NFIA: variants seen among roughly 807,000 people sequenced by gnomAD.
NFIA encodes the protein nuclear factor I A.
Under a neutral mutation model 62.8 loss-of-function variants are expected in NFIA, and 8 were observed. That is an observed-to-expected ratio of 0.13 (90% CI 0.07 to 0.23). NFIA has a LOEUF of 0.23. Among genes scored for constraint, NFIA ranks in the 10% least tolerant of loss-of-function variants. NFIA has a pLI of 1.00. For synonymous variants in NFIA, 235 were observed against 238.1 expected (o/e 0.99, Z 0.12); for missense variants, 410 against 642.1 (o/e 0.64, Z 3.91).
At chr1:61,206,662 T>G (rs1451685529) in intron 2 of NFIA, among the ~76,000 whole-genome samples, 1 of 152,232 alleles carries the variant, frequency 6.6e-6, no homozygotes, top group Non-Finnish European at 1.5e-5. Flanking sequence ...CTATTTTGGA[T>G]GACATGCTGC....
intron 3 of NFIA, among the ~76,000 whole-genome samples, chr1:61,320,163 T>C (rs1222933628): frequency 6.6e-6 from 1 of 152,122 alleles, no homozygotes. Context: ...TACATGACTT[T>C]AAAGTCTTAA....
chr1:61,395,432 A>G (rs886332380), intron 7 of NFIA, among the ~76,000 whole-genome samples: 1 of 151,934 alleles, frequency 6.6e-6, no homozygotes, highest in Non-Finnish European at 1.5e-5. Flanking sequence ...TTCACTTCCA[A>G]CAGGTCATTG....
At chr1:61,271,279 A>T (rs1210725575) in intron 2 of NFIA, among the ~76,000 whole-genome samples, 1 of 152,186 alleles carries the variant, frequency 6.6e-6, no homozygotes, top group African/African-American at 2.4e-5. Context: ...CACATTGATG[A>T]GTAGGTGATA....
Position 61,281,996 on chromosome 1 carries a change from C to A in NFIA, c.625+4411C>A, listed in dbSNP as rs1050337298. 4.0e-5 allele frequency among the ~76,000 whole-genome samples: 6 copies of A among 151,394 alleles called. 1 individual carries two copies. Among genetic ancestry groups the A allele is most frequent in the Non-Finnish European group, 7.4e-5 (5 of 67,816 alleles). On this transcript the variant is annotated intron_variant, in intron 3 of 10. Coordinates refer to ENST00000403491, the MANE Select transcript of NFIA (RefSeq NM_001134673.4). ...AGAGATTTTAAGAAAAACAAACAAACAAAAAAAACAAAAACGCTCTGGAGA... is the reference window on the plus strand; with the variant it reads ...AGAGATTTTAAGAAAAACAAACAAAAAAAAAAAACAAAAACGCTCTGGAGA...
chr1:61,141,407 C>G (rs1263894417), intron 2 of NFIA, among the ~76,000 whole-genome samples: 1 of 99,820 alleles, frequency 1.0e-5, no homozygotes, highest in African/African-American at 3.1e-5. Flanking sequence ...GACTGGTCCC[C>G]TTTACTCAGG....
chr1:61,127,041 C>T (rs1279133409), intron 2 of NFIA, among the ~76,000 whole-genome samples: 2 of 150,768 alleles, frequency 1.3e-5, no homozygotes, highest in African/African-American at 2.4e-5. Context: ...CTGCCTGCCT[C>T]GGCTTCCCAA....
chr1:61,195,756 A>G (rs889866038), intron 2 of NFIA, among the ~76,000 whole-genome samples: 6 of 152,178 alleles, frequency 3.9e-5, no homozygotes, highest in Non-Finnish European at 7.4e-5. Context: ...ACTTTTTAGA[A>G]CCACAAGAAA....
intron 2 of NFIA, among the ~76,000 whole-genome samples, chr1:61,221,028 T>A (rs1425930969): frequency 6.6e-6 from 1 of 152,172 alleles, no homozygotes; most frequent in African/African-American, 2.4e-5. Flanking sequence ...GTCTTTTAAA[T>A]ATATTTCAAC....
intron 6 of NFIA, among the ~76,000 whole-genome samples, chr1:61,368,890 G>T (rs748757428): frequency 1.3e-5 from 2 of 152,268 alleles, no homozygotes; most frequent in Non-Finnish European, 2.9e-5. Flanking sequence ...ATGAAAATAA[G>T]CAAAACAGAA....
At chr1:61,295,710 G>A (rs1431263218) in intron 3 of NFIA, among the ~76,000 whole-genome samples, 2 of 152,190 alleles carry the variant, frequency 1.3e-5, no homozygotes, top group Non-Finnish European at 2.9e-5. Context: ...AGTCACGAAT[G>A]CTTCTTGCCC....
chr1:61,358,897 C>G (rs1288267902), intron 5 of NFIA, among the ~76,000 whole-genome samples: 1 of 152,144 alleles, frequency 6.6e-6, no homozygotes, highest in African/African-American at 2.4e-5. Flanking sequence ...GAAACAGGAA[C>G]AGGATGTGGC....
At chr1:61,223,719 C>T (rs1654158094) in intron 2 of NFIA, among the ~76,000 whole-genome samples, 1 of 151,834 alleles carries the variant, frequency 6.6e-6, no homozygotes, top group South Asian at 2.1e-4. Flanking sequence ...GATAGCTATC[C>T]TCCACCTCTT....
chr1:61,138,159 G>A (rs994704180), intron 2 of NFIA, among the ~76,000 whole-genome samples: 3 of 152,054 alleles, frequency 2.0e-5, no homozygotes, highest in African/African-American at 7.2e-5. Flanking sequence ...ACATTGGTGA[G>A]ATAATGGCTC....
intron 9 of NFIA, among the ~76,000 whole-genome samples, chr1:61,426,109 TC>T (rs1267286661): frequency 1.3e-5 from 2 of 152,192 alleles, no homozygotes; most frequent in Non-Finnish European, 2.9e-5. Flanking sequence ...AATTTCTTTC[TC>T]CCTCTGCTCT....
At chr1:61,119,107 A>G (rs1358165173) in intron 2 of NFIA, among the ~76,000 whole-genome samples, 1 of 152,190 alleles carries the variant, frequency 6.6e-6, no homozygotes, top group Non-Finnish European at 1.5e-5. Flanking sequence ...GAAAGGTATA[A>G]TGTATTCAAA....
At chr1:61,157,856 AT>A (rs1441919329) in intron 2 of NFIA, among the ~76,000 whole-genome samples, 1 of 152,208 alleles carries the variant, frequency 6.6e-6, no homozygotes, top group Non-Finnish European at 1.5e-5. Flanking sequence ...TTCATAAGAG[AT>A]TTCTCTGGGC....
intron 6 of NFIA, among the ~76,000 whole-genome samples, chr1:61,366,267 T>C (rs1369653643): frequency 6.6e-6 from 1 of 152,118 alleles, no homozygotes; most frequent in East Asian, 1.9e-4. Flanking sequence ...AGTACAGACA[T>C]ATCAGTAAGT....
chr1:61,341,812 A>G (rs1341000356), intron 4 of NFIA, among the ~76,000 whole-genome samples: 2 of 152,154 alleles, frequency 1.3e-5, no homozygotes, highest in Non-Finnish European at 2.9e-5. Context: ...TTATTTATGC[A>G]CTCATAAGCC....
intron 2 of NFIA, among the ~76,000 whole-genome samples, chr1:61,115,072 C>A (rs1468055493): frequency 1.3e-5 from 2 of 152,174 alleles, no homozygotes; most frequent in Non-Finnish European, 2.9e-5. Context: ...CTACACCTCC[C>A]GGGTTCAAAC....
Sources: allele counts gnomAD v4.1 joint callset (sites outside exome capture counted in the v4.1 genomes callset), GRCh38; gene constraint gnomAD v4.1.1; transcripts MANE v1.5; gene names NCBI Gene and HGNC (gene_info 2026-07-23, HGNC 2026-07-21).